PTBP3: variants seen among roughly 807,000 people sequenced by gnomAD.
The protein encoded by PTBP3 is polypyrimidine tract-binding protein 3.
Under a neutral mutation model 58.7 loss-of-function variants are expected in PTBP3, and 20 were observed. The ratio of observed to expected loss-of-function variants is 0.34; its 90% CI spans 0.24 to 0.50. The LOEUF is 0.50. Among genes scored for constraint, PTBP3 ranks in the 20% least tolerant of loss-of-function variants. The pLI is 0.98. For missense variants in PTBP3, 509 were observed against 637.2 expected (o/e 0.80, Z 2.17); for synonymous variants, 185 against 219.8 (o/e 0.84, Z 1.40).
intron 1 of PTBP3, among the ~76,000 whole-genome samples, chr9:112,304,324 A>G (rs1829074523): frequency 6.6e-6 from 1 of 152,220 alleles, no homozygotes; most frequent in Non-Finnish European, 1.5e-5. Context: ...GAACACTGTG[A>G]TGAGATTTGT....
chr9:112,258,170 G>A (rs756169992), intron 5 of PTBP3, among the ~76,000 whole-genome samples: 3 of 152,156 alleles, frequency 2.0e-5, no homozygotes, highest in Non-Finnish European at 4.4e-5. Context: ...GTCCAGAAGA[G>A]ATTTATCTAT....
chr9:112,368,273 C>T, the PTBP3 span, among the ~76,000 whole-genome samples: 220 of 152,304 alleles, frequency 1.4e-3, no homozygotes, highest in African/African-American at 5.1e-3. Flanking sequence ...CAGGTTTAAG[C>T]GATTCTTGTG....
chr9:112,304,464 T>C (rs1266068396), intron 1 of PTBP3, among the ~76,000 whole-genome samples: 1 of 152,394 alleles, frequency 6.6e-6, no homozygotes, highest in East Asian at 1.9e-4. Context: ...TGATAAATCA[T>C]TCATCTTAAT....
upstream of PTBP3, among the ~76,000 whole-genome samples, chr9:112,336,426 A>G (rs10481670): frequency 0.27 from 40,861 of 151,742 alleles, 6,861 homozygotes; most frequent in South Asian, 0.4. Context: ...TTCAAATTTG[A>G]TAAATTTTTT....
chr9:112,267,999 T>C, intron 4 of PTBP3, 50 bp downstream of exon 4: 2 of 1,518,680 alleles, frequency 1.3e-6, no homozygotes, highest in Non-Finnish European at 1.8e-6. Context: ...ATGTAAGTTA[T>C]CATACCATGT....
chr9:112,365,343 TG>T, the PTBP3 span, among the ~76,000 whole-genome samples: 1 of 152,160 alleles, frequency 6.6e-6, no homozygotes, highest in African/African-American at 2.4e-5. Flanking sequence ...AATTGAATCA[TG>T]GGGGTGGGTC....
At chr9:112,239,044 A>C (rs2132016742) in intron 7 of PTBP3, among the ~76,000 whole-genome samples, 1 of 152,334 alleles carries the variant, frequency 6.6e-6, no homozygotes, top group African/African-American at 2.4e-5. Flanking sequence ...CCAAGACTAA[A>C]GTCAAATAAC....
At chr9:112,347,142 AT>A in the PTBP3 span, among the ~76,000 whole-genome samples, 1 of 152,230 alleles carries the variant, frequency 6.6e-6, no homozygotes, top group African/African-American at 2.4e-5. Context: ...AATGCTATAT[AT>A]AAATAACCTA....
chr9:112,320,748 G>GT (rs1228236345), intron 1 of PTBP3, among the ~76,000 whole-genome samples: 1 of 152,106 alleles, frequency 6.6e-6, no homozygotes, highest in Non-Finnish European at 1.5e-5. Context: ...CTTACGTATG[G>GT]TAAGTTGATT....
chr9:112,220,931 A>T lies in PTBP3; in HGVS notation c.*2920T>A. 1.0e-6 allele frequency: 1 copy of T among 963,992 alleles called. No individual in the cohort carries two copies. Among genetic ancestry groups the T allele is most frequent in the Non-Finnish European group, 1.2e-6 (1 of 810,504 alleles). 59.7% of individuals were successfully genotyped at this position (963,992 alleles called of 1,614,324 possible). On this transcript the variant is annotated 3_prime_UTR_variant, in exon 14 of 14. Coordinates refer to ENST00000374257, the MANE Select transcript of PTBP3 (RefSeq NM_001163788.4). ...ATCAACAGAGAAAAACCATTGCTAG[A>T]AGATACTGAATAAATGCATGCCAAA... is the stretch of plus-strand genomic sequence containing the variant.
chr9:112,244,576 G>A (rs1438572139), intron 7 of PTBP3, among the ~76,000 whole-genome samples: 2 of 151,990 alleles, frequency 1.3e-5, no homozygotes, highest in Non-Finnish European at 2.9e-5. Flanking sequence ...CTACTCAGGA[G>A]GCTGAGGTGG....
chr9:112,309,561 G>A (rs890324584), intron 1 of PTBP3, among the ~76,000 whole-genome samples: 4 of 152,070 alleles, frequency 2.6e-5, no homozygotes, highest in African/African-American at 9.7e-5. Flanking sequence ...CAAGGCGGGC[G>A]GACTGCCTGA....
chr9:112,291,570 A>T (rs1396769420), intron 2 of PTBP3, among the ~76,000 whole-genome samples: 2 of 152,232 alleles, frequency 1.3e-5, no homozygotes, highest in African/African-American at 4.8e-5. Context: ...TCTCACTTAC[A>T]CGTTCAAATG....
At chr9:112,354,105 CA>C in the PTBP3 span, among the ~76,000 whole-genome samples, 6 of 152,122 alleles carry the variant, frequency 3.9e-5, no homozygotes, top group Non-Finnish European at 8.8e-5. Context: ...ATTTTGGCTA[CA>C]AATTCAAACC....
intron 2 of PTBP3, among the ~76,000 whole-genome samples, chr9:112,285,482 A>G (rs1261551310): frequency 6.6e-6 from 1 of 152,234 alleles, no homozygotes; most frequent in Non-Finnish European, 1.5e-5. Context: ...GGTGTTGGGA[A>G]AACTGTTCTA....
intron 1 of PTBP3, chr9:112,332,873 G>C: frequency 1.2e-6 from 2 of 1,609,600 alleles, no homozygotes; most frequent in South Asian, 1.1e-5. Flanking sequence ...CTGGTGTCGA[G>C]AAAGCGTTAA....
chr9:112,354,239 C>T, the PTBP3 span, among the ~76,000 whole-genome samples: 2 of 152,152 alleles, frequency 1.3e-5, no homozygotes. Flanking sequence ...AAAAAGCAAA[C>T]CACAGCCCAC....
the PTBP3 span, among the ~76,000 whole-genome samples, chr9:112,364,447 C>T: frequency 6.6e-6 from 1 of 152,006 alleles, no homozygotes; most frequent in African/African-American, 2.4e-5. Context: ...TCATTTGAGC[C>T]AGGAGTTCAA....
At chr9:112,302,207 T>C (rs1018952821) in intron 1 of PTBP3, among the ~76,000 whole-genome samples, 14 of 152,010 alleles carry the variant, frequency 9.2e-5, no homozygotes, top group Non-Finnish European at 1.8e-4. Context: ...AAAAAAAACA[T>C]TGACCTAATA....
Sources: gnomAD v4.1 joint callset for allele counts (sites outside exome capture counted in the v4.1 genomes callset) on GRCh38, gnomAD v4.1.1 for gene constraint, MANE v1.5 for transcripts, NCBI Gene and HGNC (gene_info 2026-07-23, HGNC 2026-07-21) for gene names.